Variants in ADCY6 observed in about 807,000 individuals in gnomAD.
ADCY6 encodes adenylate cyclase 6, also known as adenylate cyclase type 6.
A neutral mutation model predicts 111.6 loss-of-function variants in ADCY6; 59 were observed. The ratio of observed to expected loss-of-function variants is 0.53; its 90% CI spans 0.43 to 0.66. ADCY6 has a LOEUF of 0.66. Among genes scored for constraint, ADCY6 ranks in the 30% least tolerant of loss-of-function variants. The pLI is 0.00. For missense variants in ADCY6, 1,242 were observed against 1,595.6 expected (o/e 0.78, Z 3.78); for synonymous variants, 576 against 642.9 (o/e 0.90, Z 1.57).
chr12:48,782,816 A>T lies in ADCY6; in HGVS notation c.619T>A (p.Ser207Thr). ...VCNRHSFRQD[S>T]MWVVSYVVLG... is the part of the protein sequence containing the mutation. ...ACCACGTAGCTCACCACCCACATGG[A>T]GTCCTGGCGGAAGCTATGCCGGTTA... Residue 207 changes from serine to threonine, a missense_variant, in exon 2 of 22, where the codon TCC becomes ACC. By Grantham distance (58) the Ser-to-Thr change is moderately conservative (BLOSUM62 1). Transcript: ENST00000357869. The surrounding 1 kb of genome is among the most constrained non-coding windows in gnomAD (Gnocchi z 4.3). The T allele has an allele frequency of 6.2e-7, 1 of 1,614,040 alleles. No homozygotes were observed. The highest frequency in any genetic ancestry group is 1.3e-5 in the African/African-American group (1 of 75,062).
chr12:48,783,115 G>C lies in ADCY6; in HGVS notation c.320C>G (p.Ala107Gly). The C allele has an allele frequency of 6.2e-7, 1 of 1,609,470 alleles. No homozygotes were observed. The highest frequency in any genetic ancestry group is 2.2e-5 in the East Asian group (1 of 44,846). ...TTTAGGTAEV[A>G]PDAVPRSGRS... ...CCCACTCCTGGGCACCGCGTCGGGC[G>C]CCACCTCAGCCGTCCCGCCCGCTGT... Residue 107 changes from alanine (A) to glycine (G), a missense_variant, in exon 2 of 22, where the codon GCG becomes GGG. Around this residue, in one of 4 missense-constraint regions of ADCY6, gnomAD observed 362 missense variants for 377.2 expected, o/e 0.96. Coordinates refer to ENST00000357869, the MANE Select transcript of ADCY6 (RefSeq NM_015270.5).
rs1412620777 is a variant in ADCY6 at position 48,777,373 on chromosome 12, A to G, written c.1248+37T>C. 1 of 1,610,654 alleles carries G rather than the reference A, an allele frequency of 6.2e-7. No homozygotes were observed. ...GCAAAGCTATGCTCTCACCACGGTC[A>G]ACACCCAGGCCCAATCCCAAGGCCC... On this transcript the variant is annotated intron_variant, in intron 5 of 21. Transcript: ENST00000357869. This position sits in a 1 kb window ranked among gnomAD's most constrained non-coding sequence, Gnocchi z 4.9.
rs1391791666 is a variant in ADCY6, at chr12:48,783,071, G to A, written c.364C>T (p.Leu122=). The A allele has an allele frequency of 1.4e-5, 22 of 1,612,764 alleles. No homozygotes were observed. The highest frequency in any genetic ancestry group is 1.7e-5 in the Non-Finnish European group (20 of 1,179,692). ...TGCTTCGACTGGAACACCTGCACCA[G>A]ACGGCGCCAGCAGGATCGCCCACTC... is the stretch of plus-strand genomic sequence containing the variant. ...PRSGRSCWRR[L]VQVFQSKQFR... is the part of the protein sequence containing the mutation. Residue 122 remains leucine, a synonymous_variant, in exon 2 of 22, where the codon CTG becomes TTG. Coordinates refer to ENST00000357869, the MANE Select transcript of ADCY6 (RefSeq NM_015270.5).
At chr12:48,783,788 C>A (rs895755441) in intron 1 of ADCY6, 1 of 266,360 alleles carries the variant, frequency 3.8e-6, no homozygotes, top group Non-Finnish European at 7.0e-6. Context: ...ATTAAAATTT[C>A]AAAAAATTAG....
rs1205725854 is a variant in ADCY6 at position 48,774,758 on chromosome 12, A to T, written c.2099T>A (p.Ile700Asn). 13 of 1,613,994 alleles carry T rather than the reference A, an allele frequency of 8.1e-6. No individual in the cohort carries two copies. Among genetic ancestry groups the T allele is most frequent in the Admixed American group, 5.0e-5 (3 of 59,992 alleles). ...CAGCAGCAGGAAGATGCTGGCATAG[A>T]TCCCAAGCATCAGGGTGGAGCTGGG... Reference protein sequence around the residue: ...IFPHSTLMLGIYASIFLLLLI... With the variant: ...IFPHSTLMLGNYASIFLLLLI... Residue 700 changes from isoleucine (I) to asparagine (N), a missense_variant, in exon 13 of 22, where the codon ATC becomes AAC. Physicochemically the swap from Ile to Asn is moderately radical, Grantham distance 149. Around this residue, in one of 4 missense-constraint regions of ADCY6, gnomAD observed 375 missense variants for 432.5 expected, o/e 0.87. Coordinates refer to ENST00000357869, the MANE Select transcript of ADCY6 (RefSeq NM_015270.5).
intron 2 of ADCY6, among the ~76,000 whole-genome samples, chr12:48,779,914 T>G (rs537204088): frequency 1.2e-4 from 18 of 152,280 alleles, no homozygotes; most frequent in Non-Finnish European, 1.8e-4. Flanking sequence ...CCCCTAGCCA[T>G]TTCCAGCTCC....
In ADCY6 at chr12:48,771,073, C is replaced by T. The variant is rs181904569; in HGVS notation, c.3052-103G>A. The T allele has an allele frequency of 1.0e-5, 12 of 1,170,414 alleles. No individual in the cohort carries two copies. Among genetic ancestry groups the T allele is most frequent in the Non-Finnish European group, 1.3e-5 (11 of 823,064 alleles). The allele number at this position is 1,170,414 out of a possible 1,614,324, so 72.5% of individuals were successfully genotyped here. A position where few individuals can be genotyped will look rare whatever the true frequency, so the allele number is the denominator to read the frequency against. On this transcript the variant is annotated intron_variant, in intron 19 of 21. Coordinates refer to ENST00000357869, the MANE Select transcript of ADCY6 (RefSeq NM_015270.5). This position sits in a 1 kb window ranked among gnomAD's most constrained non-coding sequence, Gnocchi z 4.3. ...CGCCTTGGCTGCCTTCCCCACTTCC[C>T]TGTCTCAAGAGCCCCCTTCCAGCTG...
Position 48,768,447 on chromosome 12 carries a change from C to A in ADCY6, c.*144G>T. On this transcript the variant is annotated 3_prime_UTR_variant, in exon 22 of 22. Coordinates refer to ENST00000357869, the MANE Select transcript of ADCY6 (RefSeq NM_015270.5). ...AGCTTGAGGGCAGACGAGCATGATC[C>A]AAGCACAGCCTGCTGGGATGTTCCC... 1 of 1,225,666 alleles carries A rather than the reference C, an allele frequency of 8.2e-7. No individual in the cohort carries two copies. Among genetic ancestry groups the A allele is most frequent in the Non-Finnish European group, 1.2e-6 (1 of 857,016 alleles). The allele number at this position is 1,225,666 out of a possible 1,614,324, so 75.9% of individuals were successfully genotyped here.
Position 48,782,655 on chromosome 12 carries a change from G to T in ADCY6, c.780C>A (p.Ala260=), listed in dbSNP as rs757694253. 1 of 1,603,262 alleles carries T rather than the reference G, an allele frequency of 6.2e-7. No homozygotes were observed. Among genetic ancestry groups the T allele is most frequent in the East Asian group, 2.2e-5 (1 of 44,556 alleles). ...TGGAGAGGCCCAGGCCGCTGAGGACGGCAGCCCGCATGCGGATGGGGAGGA... is the reference window on the plus strand; with the variant it reads ...TGGAGAGGCCCAGGCCGCTGAGGACTGCAGCCCGCATGCGGATGGGGAGGA... ...YTLLPIRMRA[A]VLSGLGLSTL... The change falls in exon 2 of 22, where the codon GCC becomes GCA. Residue 260 remains alanine (A), a synonymous_variant. Coordinates refer to ENST00000357869, the MANE Select transcript of ADCY6 (RefSeq NM_015270.5). The surrounding 1 kb of genome is among the most constrained non-coding windows in gnomAD (Gnocchi z 4.3).
At position 48,777,732 on chromosome 12, in the gene ADCY6, C is replaced by T. The variant is rs1332810191; in HGVS notation, c.1019G>A (p.Arg340Gln). 6.8e-6 allele frequency: 11 copies of T among 1,614,042 alleles called. No individual in the cohort carries two copies. Among genetic ancestry groups the T allele is most frequent in the South Asian group, 5.5e-5 (5 of 91,084 alleles). Residue 340 changes from arginine (R) to glutamine (Q), a missense_variant, in exon 4 of 22, where the codon CGG (arginine) becomes CAG (glutamine). Physicochemically the swap from Arg to Gln is conservative, Grantham distance 43. Coordinates refer to ENST00000357869, the MANE Select transcript of ADCY6 (RefSeq NM_015270.5). This position sits in a 1 kb window ranked among gnomAD's most constrained non-coding sequence, Gnocchi z 4.9. The stretch of plus-strand genomic sequence containing the variant: ...CTGGGGCAATACCGACAGCAGCAGC[C>T]GCTCCTAGCCCAGTGGTTCCAATAG... ...HLQHENRQQE[R>Q]LLLSVLPQHV...
rs1941863868 is a variant in ADCY6, at chr12:48,782,321, C to T, written c.864+250G>A. On this transcript the variant is annotated intron_variant, in intron 2 of 21. Coordinates refer to ENST00000357869, the MANE Select transcript of ADCY6 (RefSeq NM_015270.5). This position sits in a 1 kb window ranked among gnomAD's most constrained non-coding sequence, Gnocchi z 4.3. ...AGCCGGAGACTGGGGCCCATGGTGA[C>T]AGAGTTCAGGCTTGGGTCCTGGGGC... is the stretch of plus-strand genomic sequence containing the variant. 6.6e-6 allele frequency among the ~76,000 whole-genome samples: 1 copy of T among 152,120 alleles called. No homozygotes were observed. Among genetic ancestry groups the T allele is most frequent in the African/African-American group, 2.4e-5 (1 of 41,424 alleles).
At chr12:48,778,441 C>G in intron 2 of ADCY6, 184 bp from the exon 3 acceptor site, 1 of 645,582 alleles carries the variant, frequency 1.5e-6, no homozygotes, top group Non-Finnish European at 2.7e-6. Context: ...GACCCCAGAT[C>G]CCAGCCAACT....
intron 2 of ADCY6, among the ~76,000 whole-genome samples, chr12:48,781,493 C>G (rs1941844591): frequency 6.6e-6 from 1 of 152,146 alleles, no homozygotes; most frequent in Non-Finnish European, 1.5e-5. Context: ...AGGGGGGTAA[C>G]AGGAGATGGC....
chr12:48,766,693 C>G lies in ADCY6; in HGVS notation c.*1898G>C, dbSNP rs1170397991. Reference sequence around the variant, plus strand: ...AGGCATTACCCAGAAACCAGGCCTCCACAGGGAGCTGGTGTCAGAAGGGGC... The same window carrying G: ...AGGCATTACCCAGAAACCAGGCCTCGACAGGGAGCTGGTGTCAGAAGGGGC... On this transcript the variant is annotated 3_prime_UTR_variant, in exon 22 of 22. Transcript: ENST00000357869. 1 of 152,638 alleles carries G rather than the reference C, an allele frequency of 6.6e-6. No homozygotes were observed. The highest frequency in any genetic ancestry group is 6.5e-5 in the Admixed American group (1 of 15,282). The allele number at this position is 152,638 out of a possible 1,614,324, so 9.5% of individuals were successfully genotyped here.
intron 11 of ADCY6, 69 bp downstream of exon 11, chr12:48,775,234 T>C: frequency 6.3e-7 from 1 of 1,599,726 alleles, no homozygotes; most frequent in Non-Finnish European, 8.5e-7. Flanking sequence ...CCCTCACCTG[T>C]GCTCAGCCTT....
At chr12:48,778,287 C>G (rs1941759923) in intron 2 of ADCY6, 30 bp from the exon 3 acceptor site, 1 of 1,613,558 alleles carries the variant, frequency 6.2e-7, no homozygotes, top group African/African-American at 1.3e-5. Context: ...CAGACAGTGA[C>G]CATCTCCTCT....
chr12:48,780,010 G>A (rs1941801697), intron 2 of ADCY6, among the ~76,000 whole-genome samples: 1 of 152,136 alleles, frequency 6.6e-6, no homozygotes, highest in South Asian at 2.1e-4. Flanking sequence ...CCTCCCAGCA[G>A]CAGGGGTGAA....
Position 48,776,960 on chromosome 12 carries a change from G to A in ADCY6, c.1376+144C>T. ...CGCATGGGTCTTTGCACAGGTTGGAGAAAGATTCCCCTTCCCAGTGACAGA... is the reference window on the plus strand; with the variant it reads ...CGCATGGGTCTTTGCACAGGTTGGAAAAAGATTCCCCTTCCCAGTGACAGA... On this transcript the variant is annotated intron_variant, in intron 6 of 21. Transcript: ENST00000357869. The surrounding 1 kb of genome is among the most constrained non-coding windows in gnomAD (Gnocchi z 6.1). 7.6e-7 allele frequency: 1 copy of A among 1,317,084 alleles called. No individual in the cohort carries two copies. Among genetic ancestry groups the A allele is most frequent in the South Asian group, 1.5e-5 (1 of 68,540 alleles). 81.6% of individuals were successfully genotyped at this position (1,317,084 alleles called of 1,614,324 possible).
In ADCY6 at chr12:48,776,139, G is replaced by A. The variant is rs116597860; in HGVS notation, c.1678-48C>T. On this transcript the variant is annotated intron_variant, in intron 8 of 21. Coordinates refer to ENST00000357869, the MANE Select transcript of ADCY6 (RefSeq NM_015270.5). This position sits in a 1 kb window ranked among gnomAD's most constrained non-coding sequence, Gnocchi z 6.1. ...GGCTCAGAAGAGGGGCCCAGAGGAGGCCTTGGCCTGCTCCTCCCCATTTGT... is the reference window on the plus strand; with the variant it reads ...GGCTCAGAAGAGGGGCCCAGAGGAGACCTTGGCCTGCTCCTCCCCATTTGT... 4,096 of 1,613,792 alleles carry A rather than the reference G, an allele frequency of 2.5e-3. 87 individuals are homozygous for A. In the African/African-American group the frequency reaches 0.046, roughly 18 times the overall value.
Sources: gnomAD v4.1 joint callset for allele counts (sites outside exome capture counted in the v4.1 genomes callset) on GRCh38, gnomAD v4.1.1 for gene constraint, gnomAD v4.1.1 regional missense constraint, Gnocchi (gnomAD v3.1) non-coding constraint, MANE v1.5 for transcripts, NCBI Gene and HGNC (gene_info 2026-07-23, HGNC 2026-07-21) for gene names.